The following AUTS2 variants were observed in gnomAD, a reference collection of about 807,000 sequenced individuals.
AUTS2 encodes activator of transcription and developmental regulator AUTS2.
A neutral mutation model predicts 112.4 loss-of-function variants in AUTS2; 17 were observed. The ratio of observed to expected loss-of-function variants is 0.15; its 90% CI spans 0.10 to 0.23. The LOEUF (loss-of-function observed/expected upper bound fraction) is 0.23. Ranked by LOEUF, AUTS2 falls within the 10% of genes least tolerant of loss-of-function variation. AUTS2 has a pLI of 1.00. For synonymous variants in AUTS2, 751 were observed against 702.7 expected, an observed-to-expected ratio of 1.07 and a Z score of -1.09; for missense variants, 1,510 against 1,701.6, an observed-to-expected ratio of 0.89 and a Z score of 1.98.
chr7:70,156,425 G>T (rs1807762201), intron 4 of AUTS2, among the ~76,000 whole-genome samples: 1 of 152,112 alleles, frequency 6.6e-6, no homozygotes, highest in Non-Finnish European at 1.5e-5. Flanking sequence ...ACAAAATTGT[G>T]AAGTAGGACT....
chr7:69,770,458 G>C (rs1490037065), intron 1 of AUTS2, among the ~76,000 whole-genome samples: 1 of 152,164 alleles, frequency 6.6e-6, no homozygotes, highest in Non-Finnish European at 1.5e-5. Context: ...GCGCCGCAGT[G>C]GGAGCATCCT....
At chr7:69,943,400 C>T (rs1360119191) in intron 2 of AUTS2, among the ~76,000 whole-genome samples, 3 of 152,102 alleles carry the variant, frequency 2.0e-5, no homozygotes, top group African/African-American at 7.2e-5. Context: ...TATGGCAAAG[C>T]CTCAGAATTA....
At chr7:69,806,811 A>T (rs1222506968) in intron 1 of AUTS2, among the ~76,000 whole-genome samples, 1 of 152,168 alleles carries the variant, frequency 6.6e-6, no homozygotes, top group African/African-American at 2.4e-5. Context: ...TCTCTTCCAT[A>T]GTCGTCTTCT....
chr7:69,708,087 G>A (rs1798146681), intron 1 of AUTS2, among the ~76,000 whole-genome samples: 1 of 152,128 alleles, frequency 6.6e-6, no homozygotes, highest in African/African-American at 2.4e-5. Context: ...CAACTGACAT[G>A]TTTGAGCCTT....
Position 70,140,969 on chromosome 7 carries a change from A to G in AUTS2, c.660+6398A>G, listed in dbSNP as rs187878541. ...TAAGCATGGCTCTCAAGTCAAAGAT[A>G]TGTAGCTGAATTTGAAGCAAAGCAA... is the stretch of plus-strand genomic sequence containing the variant. On this transcript the variant is annotated intron_variant, in intron 4 of 18. Transcript: ENST00000342771. Among the ~76,000 whole-genome samples the G allele has an allele frequency of 2.6e-3, 403 of 152,320 alleles. 2 individuals are homozygous for G. Among genetic ancestry groups the G allele is most frequent in the Middle Eastern group, 0.014 (4 of 294 alleles).
At chr7:70,772,401 A>T (rs1414128619) in intron 11 of AUTS2, among the ~76,000 whole-genome samples, 1 of 152,038 alleles carries the variant, frequency 6.6e-6, no homozygotes, top group Non-Finnish European at 1.5e-5. Context: ...TTCTCGAAAC[A>T]CTCTCTTTTT....
At chr7:70,023,858 A>C (rs551149133) in intron 2 of AUTS2, among the ~76,000 whole-genome samples, 1 of 152,332 alleles carries the variant, frequency 6.6e-6, no homozygotes, top group Non-Finnish European at 1.5e-5. Flanking sequence ...AAGAAAAAAA[A>C]TGTAAACCAT....
At chr7:70,699,842 A>G (rs1057020039) in intron 6 of AUTS2, among the ~76,000 whole-genome samples, 16 of 152,190 alleles carry the variant, frequency 1.1e-4, no homozygotes, top group Admixed American at 1.3e-4. Flanking sequence ...AAAATGCACA[A>G]TTGTCTACCA....
rs142584891 is a variant in AUTS2, at chr7:70,705,817, C to G, written c.742+7197C>G. On this transcript the variant is annotated intron_variant, in intron 6 of 18. Transcript: ENST00000342771. ...GGGTCTCCTCCTACAAATGACTTCT[C>G]ATCAACCCTTAAAGCCCTTGGATAG... Among the ~76,000 whole-genome samples, 18 of 152,308 alleles carry G rather than the reference C, an allele frequency of 1.2e-4. No homozygotes were observed. The East Asian group carries it at 3.5e-3, about 29-fold the overall frequency.
intron 4 of AUTS2, among the ~76,000 whole-genome samples, chr7:70,285,217 C>T (rs1260300501): frequency 1.3e-5 from 2 of 152,124 alleles, no homozygotes. Flanking sequence ...AGTAAATTCC[C>T]ATTCAGCATG....
rs142465356 is a variant in AUTS2, at chr7:70,217,934, TTTTG to T, written c.660+83383_660+83386del. Among the ~76,000 whole-genome samples, 301 of 152,352 alleles carry T rather than the reference TTTTG, an allele frequency of 2.0e-3. 1 individual carries two copies. The highest frequency in any genetic ancestry group is 6.5e-3 in the African/African-American group (272 of 41,588). On this transcript the variant is annotated intron_variant, in intron 4 of 18. Coordinates refer to ENST00000342771, the MANE Select transcript of AUTS2 (RefSeq NM_015570.4). ...GAAAATTTCTTAAGTGTTTTCTGGT[TTTTG>T]TTTGTTTGTTTGTTTGTTTTTACCA...
intron 4 of AUTS2, among the ~76,000 whole-genome samples, chr7:70,297,277 C>T (rs1323699623): frequency 2.0e-5 from 3 of 152,004 alleles, no homozygotes; most frequent in African/African-American, 7.3e-5. Flanking sequence ...AATGTAGTCA[C>T]AGAATTTCTT....
At chr7:70,478,743 G>GT (rs11402312) in intron 5 of AUTS2, among the ~76,000 whole-genome samples, 21,181 of 138,584 alleles carry the variant, frequency 0.15, 1,708 homozygotes, top group African/African-American at 0.24. Flanking sequence ...TTCAAGACTT[G>GT]TTTTTTTTTT....
At chr7:69,900,930 A>G (rs1423363074) in intron 2 of AUTS2, among the ~76,000 whole-genome samples, 1 of 152,142 alleles carries the variant, frequency 6.6e-6, no homozygotes, top group Non-Finnish European at 1.5e-5. Flanking sequence ...TATAACCTAT[A>G]ATTTGTACAA....
intron 4 of AUTS2, among the ~76,000 whole-genome samples, chr7:70,301,174 A>C (rs1018869838): frequency 9.8e-5 from 15 of 152,364 alleles, no homozygotes; most frequent in African/African-American, 3.1e-4. Context: ...AGTGATATTC[A>C]TACCACATCT....
At chr7:70,045,217 CTT>C (rs1445075768) in intron 2 of AUTS2, among the ~76,000 whole-genome samples, 1 of 152,110 alleles carries the variant, frequency 6.6e-6, no homozygotes, top group Non-Finnish European at 1.5e-5. Context: ...ACAGAGCAAT[CTT>C]TTTAGATTTA....
At chr7:70,126,670 CA>C (rs1273044560) in intron 3 of AUTS2, among the ~76,000 whole-genome samples, 1 of 152,070 alleles carries the variant, frequency 6.6e-6, no homozygotes, top group Non-Finnish European at 1.5e-5. Flanking sequence ...GGAAATTTGT[CA>C]AAAGTTAGGA....
At chr7:70,328,375 C>G (rs1790588175) in intron 4 of AUTS2, among the ~76,000 whole-genome samples, 1 of 152,060 alleles carries the variant, frequency 6.6e-6, no homozygotes, top group Non-Finnish European at 1.5e-5. Flanking sequence ...ATATGCAACA[C>G]CACACCTGGT....
Position 70,157,305 on chromosome 7 carries a change from G to A in AUTS2, c.660+22734G>A, listed in dbSNP as rs1226671477. Among the ~76,000 whole-genome samples the A allele has an allele frequency of 2.6e-5, 4 of 151,750 alleles. No homozygotes were observed. In the South Asian group the frequency reaches 6.2e-4, roughly 24 times the overall value. On this transcript the variant is annotated intron_variant, in intron 4 of 18. Coordinates refer to ENST00000342771, the MANE Select transcript of AUTS2 (RefSeq NM_015570.4). ...TTTTTTTGTTTTGTTCATGAGACAG[G>A]TCTTGCTCTGTTGCCCAGGCTGGAA...
Sources: allele counts gnomAD v4.1 joint callset (sites outside exome capture counted in the v4.1 genomes callset), GRCh38; gene constraint gnomAD v4.1.1; transcripts MANE v1.5; gene names NCBI Gene and HGNC (gene_info 2026-07-23, HGNC 2026-07-21).